Variants in FKBP1A observed in about 807,000 individuals in gnomAD.
FKBP1A encodes the protein peptidyl-prolyl cis-trans isomerase FKBP1A.
Under a neutral mutation model 14.2 loss-of-function variants are expected in FKBP1A, and 5 were observed. That is an observed-to-expected ratio of 0.35 (90% confidence interval 0.18 to 0.74). The LOEUF (loss-of-function observed/expected upper bound fraction) is 0.74. Ranked by LOEUF, FKBP1A falls within the 30% of genes least tolerant of loss-of-function variation. The pLI, the probability that FKBP1A is intolerant of heterozygous loss-of-function variation, is 0.56. For missense variants in FKBP1A, 53 were observed against 138.8 expected (o/e 0.38, Z 3.10); for synonymous variants, 42 against 49.1 (o/e 0.86, Z 0.60).
rs2089757716 is a variant in FKBP1A at position 1,392,853 on chromosome 20, G to A, written c.66C>T (p.Thr22=). 2.6e-6 allele frequency: 4 copies of A among 1,537,518 alleles called. No homozygotes were observed. The highest frequency in any genetic ancestry group is 2.0e-5 in the Admixed American group (1 of 50,424). Residue 22 remains threonine (T), a synonymous_variant, in exon 2 of 5, where the codon ACC becomes ACT. Coordinates refer to ENST00000400137, the MANE Select transcript of FKBP1A (RefSeq NM_000801.5). Reference sequence around the variant, plus strand: ...ACTCACCGGTGTAGTGCACCACGCAGGTCTGGCCGCGCTTGGGGAAGGTGC... The same window carrying A: ...ACTCACCGGTGTAGTGCACCACGCAAGTCTGGCCGCGCTTGGGGAAGGTGC... ...DGRTFPKRGQ[T]CVVHYTGMLE...
At chr20:1,392,695 G>T in intron 2 of FKBP1A, 139 bp downstream of exon 2, 1 of 507,462 alleles carries the variant, frequency 2.0e-6, no homozygotes, top group Non-Finnish European at 3.0e-6. Flanking sequence ...CACCGCCCAG[G>T]CCTCAGCCTC....
At chr20:1,389,498 G>A (rs2089708362) in intron 2 of FKBP1A, among the ~76,000 whole-genome samples, 1 of 152,158 alleles carries the variant, frequency 6.6e-6, no homozygotes, top group Non-Finnish European at 1.5e-5. Flanking sequence ...GGGGCTTGAG[G>A]GAGGCTGCAG....
At chr20:1,371,233 T>G in intron 4 of FKBP1A, 1 of 983,136 alleles carries the variant, frequency 1.0e-6, no homozygotes, top group East Asian at 1.1e-4. Flanking sequence ...ATTCTAACAC[T>G]TACATGAAAA....
chr20:1,376,718 G>A (rs2122672807), intron 2 of FKBP1A: 1 of 152,172 alleles, frequency 6.6e-6, no homozygotes, highest in East Asian at 1.9e-4. Context: ...TATAAAAATA[G>A]TAAATTTATA....
intron 4 of FKBP1A, chr20:1,371,161 G>A: frequency 1.0e-6 from 1 of 985,392 alleles, no homozygotes; most frequent in Non-Finnish European, 1.2e-6. Flanking sequence ...TGGCAGGAGG[G>A]GAGCAAATAA....
At chr20:1,370,553 C>T (rs2089450238) in intron 4 of FKBP1A, 2 of 985,256 alleles carry the variant, frequency 2.0e-6, no homozygotes, top group South Asian at 4.7e-5. Context: ...ATAAACTGGT[C>T]ATTCATAATG....
intron 2 of FKBP1A, among the ~76,000 whole-genome samples, chr20:1,392,449 T>A (rs1210304430): frequency 6.6e-6 from 1 of 152,092 alleles, no homozygotes; most frequent in Non-Finnish European, 1.5e-5. Context: ...TTCCTAATGG[T>A]CCCTGGCCAG....
Position 1,369,524 on chromosome 20 carries a change from G to A in FKBP1A, c.*585C>T, listed in dbSNP as rs1323881646. The A allele has an allele frequency of 1.2e-5, 2 of 167,478 alleles. No individual in the cohort carries two copies. Among genetic ancestry groups the A allele is most frequent in the Non-Finnish European group, 2.9e-5 (2 of 68,482 alleles). 10.4% of individuals were successfully genotyped at this position (167,478 alleles called of 1,614,324 possible). ...GGGAGGGTGGGTGGGAATGGTGGAGGCAAAGGCTCTCCCCATCCCCACCTC... is the reference window on the plus strand; with the variant it reads ...GGGAGGGTGGGTGGGAATGGTGGAGACAAAGGCTCTCCCCATCCCCACCTC... On this transcript the variant is annotated 3_prime_UTR_variant, in exon 5 of 5. Coordinates refer to ENST00000400137, the MANE Select transcript of FKBP1A (RefSeq NM_000801.5).
chr20:1,390,706 C>T (rs149400788), intron 2 of FKBP1A, among the ~76,000 whole-genome samples: 160 of 152,248 alleles, frequency 1.1e-3, no homozygotes, highest in African/African-American at 3.6e-3. Flanking sequence ...CTCACGCCCC[C>T]ACAGGTCTCA....
At position 1,386,926 on chromosome 20, in the gene FKBP1A, CAG is replaced by C. The variant is rs1161665708; in HGVS notation, c.85+5906_85+5907del. Among the ~76,000 whole-genome samples the C allele has an allele frequency of 6.6e-6, 1 of 152,040 alleles. No homozygotes were observed. Among genetic ancestry groups the C allele is most frequent in the Non-Finnish European group, 1.5e-5 (1 of 68,006 alleles). ...TTAGCAGGAAAAGAAAACAAAAAAA[CAG>C]AAGAAAAAATAGAAGTAAAAATAAA... On this transcript the variant is annotated intron_variant, in intron 2 of 4. Coordinates refer to ENST00000400137, the MANE Select transcript of FKBP1A (RefSeq NM_000801.5). The surrounding 1 kb of genome is among the most constrained non-coding windows in gnomAD (Gnocchi z 4.7).
chr20:1,374,896 GC>G lies in FKBP1A; in HGVS notation c.198+594del, dbSNP rs2089519084. Among the ~76,000 whole-genome samples the G allele has an allele frequency of 2.0e-5, 3 of 152,294 alleles. No homozygotes were observed. The South Asian group carries it at 6.2e-4, about 32-fold the overall frequency. The stretch of plus-strand genomic sequence containing the variant: ...TCGTCATCCAGGCTGGAGCGCAATG[GC>G]ACAATCTTGGCTCACTACAACCTCC... On this transcript the variant is annotated intron_variant, in intron 3 of 4. Transcript: ENST00000400137.
intron 4 of FKBP1A, among the ~76,000 whole-genome samples, chr20:1,371,521 C>T (rs1407120235): frequency 6.6e-6 from 1 of 152,196 alleles, no homozygotes; most frequent in Non-Finnish European, 1.5e-5. Context: ...ATAAGCTGGC[C>T]TGGGGGCCTC....
intron 3 of FKBP1A, chr20:1,374,627 G>GC (rs1370605787): frequency 2.0e-5 from 3 of 152,118 alleles, no homozygotes; most frequent in Non-Finnish European, 2.9e-5. Flanking sequence ...CAGCTTTTGA[G>GC]CCCCTCATCC....
chr20:1,388,365 G>C (rs1299672557), intron 2 of FKBP1A, among the ~76,000 whole-genome samples: 5 of 152,226 alleles, frequency 3.3e-5, no homozygotes, highest in African/African-American at 1.2e-4. Flanking sequence ...TCTAGACTGA[G>C]ATTACAGACA....
At chr20:1,373,766 C>T (rs6041772) in intron 3 of FKBP1A, among the ~76,000 whole-genome samples, 17,058 of 152,150 alleles carry the variant, frequency 0.11, 1,151 homozygotes, top group African/African-American at 0.17. Context: ...GGAGCAGTCA[C>T]AGAAGATGGG....
At position 1,369,808 on chromosome 20, in the gene FKBP1A, A is replaced by G. The variant is rs558030239; in HGVS notation, c.*301T>C. 198 of 455,904 alleles carry G rather than the reference A, an allele frequency of 4.3e-4. No individual in the cohort carries two copies. The highest frequency in any genetic ancestry group is 3.5e-3 in the African/African-American group (177 of 50,276). 28.2% of individuals were successfully genotyped at this position (455,904 alleles called of 1,614,324 possible). A position where few individuals can be genotyped will look rare whatever the true frequency, so the allele number is the denominator to read the frequency against. ...TGACCATGTACTTAATTGGAAACCT[A>G]TATCCAAAAGACTGAAACTGAATCT... On this transcript the variant is annotated 3_prime_UTR_variant, in exon 5 of 5. Transcript: ENST00000400137.
At chr20:1,388,182 C>T (rs1344221482) in intron 2 of FKBP1A, among the ~76,000 whole-genome samples, 3 of 152,160 alleles carry the variant, frequency 2.0e-5, no homozygotes, top group African/African-American at 4.8e-5. Flanking sequence ...AATGTTTAAA[C>T]GGAATCTATT....
At position 1,372,108 on chromosome 20, in the gene FKBP1A, C is replaced by T. The variant is rs1396215201; in HGVS notation, c.*4G>A. ...CAGGGAGCTAAGGGAGGAGGCCATT[C>T]CTGTCATTCCAGTTTTAGAAGCTCC... is the stretch of plus-strand genomic sequence containing the variant. On this transcript the variant is annotated 3_prime_UTR_variant, in exon 4 of 5. Coordinates refer to ENST00000400137, the MANE Select transcript of FKBP1A (RefSeq NM_000801.5). 6.2e-7 allele frequency: 1 copy of T among 1,613,560 alleles called. No individual in the cohort carries two copies. The highest frequency in any genetic ancestry group is 8.5e-7 in the Non-Finnish European group (1 of 1,179,668).
At chr20:1,389,222 T>C (rs996699555) in intron 2 of FKBP1A, among the ~76,000 whole-genome samples, 3 of 152,186 alleles carry the variant, frequency 2.0e-5, no homozygotes, top group African/African-American at 7.2e-5. Flanking sequence ...GTCTATTTAG[T>C]TCACTAGCCA....
Sources: allele counts gnomAD v4.1 joint callset (sites outside exome capture counted in the v4.1 genomes callset), GRCh38; gene constraint gnomAD v4.1.1; non-coding constraint Gnocchi (gnomAD v3.1); transcripts MANE v1.5; gene names NCBI Gene and HGNC (gene_info 2026-07-23, HGNC 2026-07-21).